Variants in ADAMTSL2 observed in about 807,000 individuals in gnomAD.
ADAMTSL2 encodes ADAMTS-like protein 2.
ADAMTSL2 carries 55 observed loss-of-function variants against 117.0 expected under a neutral mutation model. The observed-to-expected ratio is 0.47, with a 90% CI of 0.38 to 0.59. The LOEUF is 0.59. Ranked by LOEUF, ADAMTSL2 falls within the 20% of genes least tolerant of loss-of-function variation. The pLI, the probability that ADAMTSL2 is intolerant of heterozygous loss-of-function variation, is 0.00. For missense variants in ADAMTSL2, 1,182 were observed against 1,354.5 expected, an observed-to-expected ratio of 0.87 and a Z score of 2.00; for synonymous variants, 572 against 566.4, an observed-to-expected ratio of 1.01 and a Z score of -0.14.
Position 133,534,811 on chromosome 9 carries a change from G to A in ADAMTSL2, c.-257G>A, listed in dbSNP as rs1416147389. On this transcript the variant is annotated 5_prime_UTR_variant, in exon 1 of 19. Coordinates refer to ENST00000651351, the MANE Select transcript of ADAMTSL2 (RefSeq NM_014694.4). ...AAGGGGAGAGGGAGGCCGGGCCGCA[G>A]CCTCTGCACTCACGCCGCCCCCGCA... 6.7e-7 allele frequency: 1 copy of A among 1,490,778 alleles called. No homozygotes were observed. Among genetic ancestry groups the A allele is most frequent in the Non-Finnish European group, 9.0e-7 (1 of 1,115,484 alleles). 92.3% of individuals were successfully genotyped at this position (1,490,778 alleles called of 1,614,324 possible).
rs769809111 is a variant in ADAMTSL2, at chr9:133,538,344, G to A, written c.234-5G>A. The A allele has an allele frequency of 6.2e-7, 1 of 1,613,306 alleles. No homozygotes were observed. The highest frequency in any genetic ancestry group is 1.3e-5 in the African/African-American group (1 of 74,942). The stretch of plus-strand genomic sequence containing the variant: ...CCTCACTCCGAGCCTGCATCTTTCT[G>A]CCAGGAGGAAGTCCGTCCCGGGCCC... On this transcript the variant is annotated splice_polypyrimidine_tract_variant and splice_region_variant and intron_variant, in intron 3 of 18. Transcript: ENST00000651351.
chr9:133,564,847 G>C (rs1177693842), intron 12 of ADAMTSL2, among the ~76,000 whole-genome samples: 5 of 152,054 alleles, frequency 3.3e-5, no homozygotes, highest in Non-Finnish European at 5.9e-5. Context: ...GGTTGTGTCC[G>C]TGCGGATGTC....
At chr9:133,569,027 G>T (rs1588309845) in intron 15 of ADAMTSL2, among the ~76,000 whole-genome samples, 1 of 151,738 alleles carries the variant, frequency 6.6e-6, no homozygotes, top group Admixed American at 6.6e-5. Context: ...TCCTCTGTTG[G>T]TCTGTCTCTG....
Position 133,544,513 on chromosome 9 carries a change from C to A in ADAMTSL2, c.726C>A (p.Ile242=). 1 of 1,614,176 alleles carries A rather than the reference C, an allele frequency of 6.2e-7. No homozygotes were observed. The highest frequency in any genetic ancestry group is 2.2e-5 in the East Asian group (1 of 44,894). The stretch of plus-strand genomic sequence containing the variant: ...ACATCCCGGCTGGTGCCCGAGACAT[C>A]CAGATTGTAGAGAGGAAGAAGTCCG... ...VTHIPAGARD[I]QIVERKKSAD... Residue 242 remains isoleucine (I), a synonymous_variant, in exon 8 of 19, where the codon ATC becomes ATA. Transcript: ENST00000651351.
intron 18 of ADAMTSL2, 136 bp downstream of exon 18, chr9:133,574,123 C>T (rs904777303): frequency 1.0e-4 from 126 of 1,218,992 alleles, no homozygotes; most frequent in Non-Finnish European, 1.4e-4. Context: ...CCAAGCTGTG[C>T]AGGGAGTGGG....
rs551343262 is a variant in ADAMTSL2, at chr9:133,546,111, C to T, written c.764-927C>T. The stretch of plus-strand genomic sequence containing the variant: ...AGACAGAGTGTCCCGAGCGCCGAAT[C>T]GGCCTCCTCCCTGCGTCCCCAGCCC... On this transcript the variant is annotated intron_variant, in intron 8 of 18. Coordinates refer to ENST00000651351, the MANE Select transcript of ADAMTSL2 (RefSeq NM_014694.4). Among the ~76,000 whole-genome samples, 175 of 152,236 alleles carry T rather than the reference C, an allele frequency of 1.1e-3. 3 individuals are homozygous for T. The South Asian group carries it at 0.032, about 28-fold the overall frequency.
rs769568008 is a variant in ADAMTSL2 at position 133,540,758 on chromosome 9, T to C, written c.558+15T>C. On this transcript the variant is annotated intron_variant, in intron 6 of 18. Coordinates refer to ENST00000651351, the MANE Select transcript of ADAMTSL2 (RefSeq NM_014694.4). The stretch of plus-strand genomic sequence containing the variant: ...GAAAATGTGAGGTTGTTAAACGTTG[T>C]AGCAAAAGTACCGCCGGTCTCACTG... The C allele has an allele frequency of 4.3e-6, 7 of 1,613,742 alleles. No individual in the cohort carries two copies. The highest frequency in any genetic ancestry group is 1.1e-5 in the South Asian group (1 of 91,084).
rs1830666810 is a variant in ADAMTSL2 at position 133,558,931 on chromosome 9, G to A, written c.1650-2267G>A. Among the ~76,000 whole-genome samples the A allele has an allele frequency of 6.6e-6, 1 of 152,230 alleles. No individual in the cohort carries two copies. Among genetic ancestry groups the A allele is most frequent in the African/African-American group, 2.4e-5 (1 of 41,456 alleles). ...ACGTGCTGCTGCGAAGAGTGTGTGG[G>A]CAGCCCCTCCAGAAATACCTTTGGT... On this transcript the variant is annotated intron_variant, in intron 11 of 18. Coordinates refer to ENST00000651351, the MANE Select transcript of ADAMTSL2 (RefSeq NM_014694.4). The surrounding 1 kb of genome is among the most constrained non-coding windows in gnomAD (Gnocchi z 4.3).
intron 17 of ADAMTSL2, among the ~76,000 whole-genome samples, chr9:133,573,444 G>A (rs1831156663): frequency 6.6e-6 from 1 of 152,218 alleles, no homozygotes; most frequent in Non-Finnish European, 1.5e-5. Flanking sequence ...GGGAGAGGAG[G>A]GACCACCCCT....
intron 9 of ADAMTSL2, among the ~76,000 whole-genome samples, chr9:133,549,958 A>T (rs1357981568): frequency 1.3e-5 from 2 of 152,184 alleles, no homozygotes; most frequent in East Asian, 3.9e-4. Context: ...CCTGCATCCC[A>T]GACCCATGTC....
intron 16 of ADAMTSL2, 53 bp from the exon 17 acceptor site, chr9:133,570,278 G>A (rs2131184509): frequency 1.3e-6 from 2 of 1,531,318 alleles, no homozygotes; most frequent in African/African-American, 1.4e-5. Flanking sequence ...GGCCCTGTGT[G>A]TAGGGTCCTG....
chr9:133,538,428 AG>A lies in ADAMTSL2; in HGVS notation c.309+6del. ...GTACCAGCTCTGCAGAGTGCAGGTG[AG>A]GCCCGGCCCGGGCAGGGGCACCATG... is the stretch of plus-strand genomic sequence containing the variant. On this transcript the variant is annotated splice_donor_5th_base_variant and intron_variant, in intron 4 of 18. Coordinates refer to ENST00000651351, the MANE Select transcript of ADAMTSL2 (RefSeq NM_014694.4). 1.2e-6 allele frequency: 2 copies of A among 1,612,706 alleles called. No homozygotes were observed. Among genetic ancestry groups the A allele is most frequent in the South Asian group, 2.2e-5 (2 of 91,070 alleles).
intron 9 of ADAMTSL2, among the ~76,000 whole-genome samples, chr9:133,552,432 G>A (rs1174603593): frequency 1.3e-5 from 2 of 152,338 alleles, no homozygotes; most frequent in Middle Eastern, 6.8e-3. Flanking sequence ...CAGTGCAGAG[G>A]ACAAAGGTCA....
intron 8 of ADAMTSL2, among the ~76,000 whole-genome samples, chr9:133,545,694 AAAGCTCTT>A (rs1251193199): frequency 6.6e-6 from 1 of 152,208 alleles, no homozygotes; most frequent in Non-Finnish European, 1.5e-5. Flanking sequence ...AGCTGGCTGC[AAAGCTCTT>A]GCTCTTGAAA....
In ADAMTSL2 at chr9:133,567,027, C is replaced by T; in HGVS notation, c.1839C>T (p.Val613=). ...ACGCCCTGACCCGTCCCGAGCCTGT[C>T]CACGAGTTCTGCGCTGGGAGGGAGT... ...YCDALTRPEP[V]HEFCAGRECQ... Residue 613 remains valine (V), a synonymous_variant, in exon 13 of 19, where the codon GTC becomes GTT. Coordinates refer to ENST00000651351, the MANE Select transcript of ADAMTSL2 (RefSeq NM_014694.4). 6.2e-7 allele frequency: 1 copy of T among 1,611,308 alleles called. No individual in the cohort carries two copies. The highest frequency in any genetic ancestry group is 1.7e-5 in the Admixed American group (1 of 59,926).
In ADAMTSL2 at chr9:133,555,950, G is replaced by C; in HGVS notation, c.1649+20G>C. On this transcript the variant is annotated intron_variant, in intron 11 of 18. Coordinates refer to ENST00000651351, the MANE Select transcript of ADAMTSL2 (RefSeq NM_014694.4). ...GGCCAGGTAGGAGGCACTTTCCTGA[G>C]CCCTGTCCAGGGCCCTCAGGGGGCA... is the stretch of plus-strand genomic sequence containing the variant. The C allele has an allele frequency of 6.2e-7, 1 of 1,607,200 alleles. No individual in the cohort carries two copies. The highest frequency in any genetic ancestry group is 8.5e-7 in the Non-Finnish European group (1 of 1,179,488).
intron 2 of ADAMTSL2, 61 bp downstream of exon 2, chr9:133,536,863 C>T: frequency 6.2e-7 from 1 of 1,611,340 alleles, no homozygotes; most frequent in Non-Finnish European, 8.5e-7. Context: ...GCTGTGATCA[C>T]TCTCAGATGG....
chr9:133,574,737 C>G lies in ADAMTSL2; in HGVS notation c.2738-9C>G. 6.2e-7 allele frequency: 1 copy of G among 1,612,240 alleles called. No homozygotes were observed. Among genetic ancestry groups the G allele is most frequent in the Non-Finnish European group, 8.5e-7 (1 of 1,178,692 alleles). On this transcript the variant is annotated splice_polypyrimidine_tract_variant and intron_variant, in intron 18 of 18. Coordinates refer to ENST00000651351, the MANE Select transcript of ADAMTSL2 (RefSeq NM_014694.4). ...AACTGCCCTGCTTCGCTCTGTGTTC[C>G]TTCTCCAGATGACAGCTGCCAGGAC...
rs1564179004 is a variant in ADAMTSL2, at chr9:133,564,633, A to AGAGAGAGAGG, written c.1748-2296_1748-2295insAGGGAGAGAG. Reference sequence around the variant, plus strand: ...GAGAGAGAGAGAGAGAGGGAGAGAGAGAGAGAGGGAGAGAGGGAGAGAGGG... The same window carrying AGAGAGAGAGG: ...GAGAGAGAGAGAGAGAGGGAGAGAGAGAGAGAGAGGGAGAGAGGGAGAGAGGGAGAGAGGG... On this transcript the variant is annotated intron_variant, in intron 12 of 18. Transcript: ENST00000651351. 2.5e-3 allele frequency among the ~76,000 whole-genome samples: 134 copies of AGAGAGAGAGG among 53,574 alleles called. 4 individuals carry two copies. Among genetic ancestry groups the AGAGAGAGAGG allele is most frequent in the Non-Finnish European group, 4.7e-3 (109 of 23,328 alleles). 35.1% of individuals were successfully genotyped at this position (53,574 alleles called of 152,430 possible). A position where few individuals can be genotyped will look rare whatever the true frequency, so the allele number is the denominator to read the frequency against.
Sources: gnomAD v4.1 joint callset for allele counts (sites outside exome capture counted in the v4.1 genomes callset) on GRCh38, gnomAD v4.1.1 for gene constraint, Gnocchi (gnomAD v3.1) non-coding constraint, MANE v1.5 for transcripts, NCBI Gene and HGNC (gene_info 2026-07-23, HGNC 2026-07-21) for gene names.